DSCAM: variants seen among roughly 807,000 people sequenced by gnomAD.
DSCAM encodes DS cell adhesion molecule.
A neutral mutation model predicts 217.7 loss-of-function variants in DSCAM; 47 were observed. The ratio of observed to expected loss-of-function variants is 0.22; its 90% CI spans 0.17 to 0.28. The LOEUF is 0.28. Among genes scored for constraint, DSCAM ranks in the 10% least tolerant of loss-of-function variants. The pLI, the probability that DSCAM is intolerant of heterozygous loss-of-function variation, is 1.00. For synonymous variants in DSCAM, 1,056 were observed against 1,015.3 expected (o/e 1.04, Z -0.76); for missense variants, 2,080 against 2,618.3 (o/e 0.79, Z 4.49).
At chr21:40,455,864 AG>A in intron 3 of DSCAM, among the ~76,000 whole-genome samples, 1 of 152,308 alleles carries the variant, frequency 6.6e-6, no homozygotes, top group South Asian at 2.1e-4. Flanking sequence ...ATAGATAGAT[AG>A]GAAAAAATAT....
chr21:40,329,289 G>T (rs1333347503), intron 8 of DSCAM, among the ~76,000 whole-genome samples: 1 of 152,008 alleles, frequency 6.6e-6, no homozygotes, highest in Non-Finnish European at 1.5e-5. Flanking sequence ...CAGATGAATG[G>T]ATTAAAAAAT....
intron 3 of DSCAM, among the ~76,000 whole-genome samples, chr21:40,407,595 T>C (rs1229668583): frequency 6.6e-6 from 1 of 152,158 alleles, no homozygotes. Context: ...GGAGGTCACA[T>C]GGAGGGGAGA....
chr21:40,717,519 T>C (rs1489658395), intron 1 of DSCAM, among the ~76,000 whole-genome samples: 1 of 152,226 alleles, frequency 6.6e-6, no homozygotes, highest in Non-Finnish European at 1.5e-5. Flanking sequence ...AGTGAAGAAC[T>C]GGCACAAGCT....
intron 10 of DSCAM, among the ~76,000 whole-genome samples, chr21:40,288,489 A>G (rs1479003961): frequency 2.6e-5 from 4 of 152,228 alleles, no homozygotes; most frequent in South Asian, 2.1e-4. Flanking sequence ...TTTGAAAAAT[A>G]AAAGTCACAA....
intron 3 of DSCAM, among the ~76,000 whole-genome samples, chr21:40,467,231 T>C (rs758569465): frequency 5.0e-4 from 76 of 152,240 alleles, no homozygotes; most frequent in Non-Finnish European, 7.6e-4. Context: ...GAAACAATTT[T>C]ATTTGCCTTT....
chr21:40,165,492 A>G (rs2090585066), intron 16 of DSCAM, among the ~76,000 whole-genome samples: 1 of 152,224 alleles, frequency 6.6e-6, no homozygotes, highest in African/African-American at 2.4e-5. Flanking sequence ...GTCGATTCAC[A>G]ATCTAATGAG....
intron 2 of DSCAM, among the ~76,000 whole-genome samples, chr21:40,696,018 T>G (rs73905062): frequency 2.9e-4 from 44 of 152,188 alleles, no homozygotes; most frequent in African/African-American, 7.7e-4. Context: ...ATCTTCATTC[T>G]ACATCCAACT....
chr21:40,528,046 C>T (rs1309468640), intron 3 of DSCAM, among the ~76,000 whole-genome samples: 1 of 152,194 alleles, frequency 6.6e-6, no homozygotes, highest in Non-Finnish European at 1.5e-5. Flanking sequence ...AGCCAAAAAG[C>T]AAACCTTTCA....
At chr21:40,303,633 C>A (rs1417438751) in intron 9 of DSCAM, among the ~76,000 whole-genome samples, 1 of 152,050 alleles carries the variant, frequency 6.6e-6, no homozygotes, top group Non-Finnish European at 1.5e-5. Flanking sequence ...ATCCTCGGCA[C>A]TCATAACAGC....
At chr21:40,051,095 A>G (rs1329020253) in intron 30 of DSCAM, among the ~76,000 whole-genome samples, 1 of 152,218 alleles carries the variant, frequency 6.6e-6, no homozygotes, top group Admixed American at 6.5e-5. Context: ...AGCTTTTAAC[A>G]TTATAATAGT....
intron 1 of DSCAM, among the ~76,000 whole-genome samples, chr21:40,764,028 G>A (rs1392879453): frequency 6.6e-6 from 1 of 152,136 alleles, no homozygotes; most frequent in African/African-American, 2.4e-5. Context: ...TCAGGACATT[G>A]GCATGGGCAA....
Position 40,353,720 on chromosome 21 carries a change from T to C in DSCAM, c.679A>G (p.Ile227Val), listed in dbSNP as rs534412660. The C allele has an allele frequency of 1.7e-5, 26 of 1,570,566 alleles. No homozygotes were observed. Among genetic ancestry groups the C allele is most frequent in the Non-Finnish European group, 1.8e-5 (21 of 1,163,874 alleles). ...VSDPANSAPS[I>V]LDGFDHRKAM... ...TTGCGATGGTCAAACCCATCCAGTA[T>C]GGATGGGGCTGAGTTCGCTGGGTCT... Residue 227 changes from isoleucine (I) to valine (V), a missense_variant, in exon 5 of 33, where the codon ATA (isoleucine) becomes GTA (valine). Transcript: ENST00000400454.
intron 3 of DSCAM, among the ~76,000 whole-genome samples, chr21:40,641,108 A>T (rs900107441): frequency 1.3e-5 from 2 of 152,228 alleles, no homozygotes; most frequent in East Asian, 3.9e-4. Context: ...ACGATGCTGC[A>T]TGGAATTTTA....
intron 21 of DSCAM, among the ~76,000 whole-genome samples, chr21:40,090,622 T>C (rs1842552713): frequency 6.6e-6 from 1 of 151,912 alleles, no homozygotes; most frequent in African/African-American, 2.4e-5. Context: ...CTCTGCTGCC[T>C]CTCTGGCTTT....
intron 3 of DSCAM, among the ~76,000 whole-genome samples, chr21:40,620,880 C>T (rs930028076): frequency 2.0e-5 from 3 of 152,134 alleles, no homozygotes; most frequent in Non-Finnish European, 4.4e-5. Context: ...GACAATAAAC[C>T]GGGTTCCATT....
rs1453266428 is a variant in DSCAM at position 40,011,139 on chromosome 21, T to C, written c.*1895A>G. The C allele has an allele frequency of 6.6e-6, 1 of 151,868 alleles. No homozygotes were observed. The highest frequency in any genetic ancestry group is 1.5e-5 in the Non-Finnish European group (1 of 68,014). 9.4% of individuals were successfully genotyped at this position (151,868 alleles called of 1,614,324 possible). A position where few individuals can be genotyped will look rare whatever the true frequency, so the allele number is the denominator to read the frequency against. On this transcript the variant is annotated 3_prime_UTR_variant, in exon 33 of 33. Coordinates refer to ENST00000400454, the MANE Select transcript of DSCAM (RefSeq NM_001389.5). The stretch of plus-strand genomic sequence containing the variant: ...TTCCCCCAGAAAGTAACATTTCTTT[T>C]GCATAAAAAAAAAACAGTCTGAGAG...
intron 11 of DSCAM, among the ~76,000 whole-genome samples, chr21:40,207,105 T>A (rs11909779): frequency 0.034 from 5,132 of 152,060 alleles, 126 homozygotes; most frequent in African/African-American, 0.065. Context: ...ACAAAATTTT[T>A]AAAAAGTCAA....
chr21:40,650,571 G>A (rs1438418749), intron 3 of DSCAM, among the ~76,000 whole-genome samples: 3 of 152,218 alleles, frequency 2.0e-5, no homozygotes, highest in African/African-American at 7.2e-5. Flanking sequence ...AGAAGAAGGA[G>A]GAGTTTTTCC....
At chr21:40,127,416 T>C (rs1031811624) in intron 19 of DSCAM, among the ~76,000 whole-genome samples, 2 of 152,204 alleles carry the variant, frequency 1.3e-5, no homozygotes, top group South Asian at 4.1e-4. Flanking sequence ...ATTTTGGTAA[T>C]CTGAGTTTTT....
Sources: gnomAD v4.1 joint callset for allele counts (sites outside exome capture counted in the v4.1 genomes callset) on GRCh38, gnomAD v4.1.1 for gene constraint, MANE v1.5 for transcripts, NCBI Gene and HGNC (gene_info 2026-07-23, HGNC 2026-07-21) for gene names.